The following CYP46A1 variants were observed in gnomAD, a reference collection of about 807,000 sequenced individuals.
The protein encoded by CYP46A1 is cytochrome P450 family 46 subfamily A member 1.
CYP46A1 carries 20 observed loss-of-function variants against 63.3 expected under a neutral mutation model. That is an observed-to-expected ratio of 0.32 (90% confidence interval 0.22 to 0.46). CYP46A1 has a LOEUF of 0.46. Among genes scored for constraint, CYP46A1 ranks in the 20% least tolerant of loss-of-function variants. CYP46A1 has a pLI of 1.00. For synonymous variants in CYP46A1, 268 were observed against 273.6 expected (o/e 0.98, Z 0.20); for missense variants, 445 against 670.8 (o/e 0.66, Z 3.72).
intron 6 of CYP46A1, 96 bp downstream of exon 6, chr14:99,706,881 G>C (rs1164167392): frequency 3.5e-6 from 5 of 1,432,968 alleles, no homozygotes; most frequent in Non-Finnish European, 3.7e-6. Context: ...CCTCCCTCCT[G>C]CTCCTCTAAC....
At chr14:99,713,443 A>G (rs2056753684) in intron 7 of CYP46A1, 1 of 152,074 alleles carries the variant, frequency 6.6e-6, no homozygotes, top group African/African-American at 2.4e-5. Flanking sequence ...ATCTCAAAAA[A>G]AAAAAAAAAT....
At chr14:99,686,479 G>A (rs1029556110) in intron 1 of CYP46A1, among the ~76,000 whole-genome samples, 3 of 151,992 alleles carry the variant, frequency 2.0e-5, no homozygotes, top group East Asian at 3.9e-4. Context: ...AAGAAACCCC[G>A]TACCCATTAG....
intron 5 of CYP46A1, chr14:99,703,584 A>G (rs371379648): frequency 1.3e-5 from 13 of 985,338 alleles, no homozygotes; most frequent in South Asian, 9.4e-5. Context: ...CACTGCCTCA[A>G]TGTGAACCTC....
At chr14:99,707,150 GCCCAGTAACCCCAAAC>G (rs935686373) in intron 6 of CYP46A1, among the ~76,000 whole-genome samples, 1 of 152,190 alleles carries the variant, frequency 6.6e-6, no homozygotes, top group Non-Finnish European at 1.5e-5. Context: ...TCAGCAGTGG[GCCCAGTAACCCCAAAC>G]CCCACTTTAT....
At chr14:99,699,984 CTT>C in intron 4 of CYP46A1, 29 bp from the exon 5 acceptor site, 2 of 636,516 alleles carry the variant, frequency 3.1e-6, no homozygotes, top group Non-Finnish European at 4.9e-6. Flanking sequence ...CCCCCACCCT[CTT>C]TCCCGCATCA....
chr14:99,710,968 C>T (rs553996124), intron 7 of CYP46A1: 11 of 151,898 alleles, frequency 7.2e-5, no homozygotes, highest in South Asian at 6.3e-4. Flanking sequence ...CTTCTCAGAC[C>T]ACAATGGAAT....
intron 3 of CYP46A1, among the ~76,000 whole-genome samples, chr14:99,699,250 G>A (rs992336758): frequency 6.6e-6 from 1 of 152,148 alleles, no homozygotes; most frequent in Non-Finnish European, 1.5e-5. Context: ...TACGTCCACA[G>A]GAAAATCACT....
rs919944520 is a variant in CYP46A1 at position 99,700,920 on chromosome 14, G to A, written c.443+819G>A. Among the ~76,000 whole-genome samples the A allele has an allele frequency of 7.9e-5, 12 of 152,310 alleles. No homozygotes were observed. The East Asian group carries it at 9.6e-4, about 12-fold the overall frequency. On this transcript the variant is annotated intron_variant, in intron 5 of 14. Transcript: ENST00000261835. ...AAGACTTTCCAGTGAGGAAAGATGC[G>A]GAGGTGGAAGGCAGTGATATTGATG...
chr14:99,726,453 C>T, intron 14 of CYP46A1, 104 bp from the exon 15 acceptor site: 1 of 1,273,558 alleles, frequency 7.9e-7, no homozygotes, highest in Non-Finnish European at 1.1e-6. Flanking sequence ...CAGGCTCTCA[C>T]AGGCTCTCCA....
chr14:99,700,463 A>G (rs1489132800), intron 5 of CYP46A1, among the ~76,000 whole-genome samples: 1 of 152,168 alleles, frequency 6.6e-6, no homozygotes, highest in South Asian at 2.1e-4. Flanking sequence ...TTGGTGATAT[A>G]GTTGTGCTTT....
At chr14:99,688,916 C>T (rs141222402) in intron 1 of CYP46A1, among the ~76,000 whole-genome samples, 3 of 152,312 alleles carry the variant, frequency 2.0e-5, no homozygotes, top group Non-Finnish European at 2.9e-5. Flanking sequence ...GTCCCGCATC[C>T]TCCTCTGGCT....
At chr14:99,687,983 G>GT (rs57410569) in intron 1 of CYP46A1, among the ~76,000 whole-genome samples, 113,195 of 149,592 alleles carry the variant, frequency 0.76, 42,972 homozygotes, top group East Asian at 0.92. Flanking sequence ...GAAGGAATGG[G>GT]TTTTTTTTCC....
chr14:99,697,280 C>T (rs932036725), intron 3 of CYP46A1, among the ~76,000 whole-genome samples: 1 of 151,870 alleles, frequency 6.6e-6, no homozygotes. Flanking sequence ...TTTCTATGCA[C>T]AGCTTCTCCC....
At chr14:99,711,670 A>C (rs540396172) in intron 7 of CYP46A1, 1 of 152,260 alleles carries the variant, frequency 6.6e-6, no homozygotes, top group African/African-American at 2.4e-5. Flanking sequence ...CCGTGACCAG[A>C]TGTCTTTACT....
At chr14:99,695,604 TTTA>T (rs3070460) in intron 3 of CYP46A1, 26,790 of 142,702 alleles carry the variant, frequency 0.19, 2,914 homozygotes, top group East Asian at 0.29. Context: ...CCATTCCAGC[TTTA>T]TTATTATTAT....
rs10600179 is a variant in CYP46A1 at position 99,722,644 on chromosome 14, C to CGTGTGTGT, written c.1176+606_1176+613dup. Among the ~76,000 whole-genome samples the CGTGTGTGT allele has an allele frequency of 0.11, 15,260 of 142,132 alleles. 918 individuals are homozygous for CGTGTGTGT. Among genetic ancestry groups the CGTGTGTGT allele is most frequent in the Admixed American group, 0.13 (1,782 of 13,970 alleles). The allele number at this position is 142,132 out of a possible 152,430, so 93.2% of individuals were successfully genotyped here. A position where few individuals can be genotyped will look rare whatever the true frequency, so the allele number is the denominator to read the frequency against. ...ATCTGAATTGTGTGTTTGCCATTCC[C>CGTGTGTGT]GTGTGTGTGTGTGTGTGTGTGTGTG... On this transcript the variant is annotated intron_variant, in intron 12 of 14. Coordinates refer to ENST00000261835, the MANE Select transcript of CYP46A1 (RefSeq NM_006668.2). The surrounding 1 kb of genome is among the most constrained non-coding windows in gnomAD (Gnocchi z 4.6).
chr14:99,721,566 C>T (rs1474516214), intron 11 of CYP46A1, among the ~76,000 whole-genome samples: 2 of 152,098 alleles, frequency 1.3e-5, no homozygotes, highest in South Asian at 2.1e-4. Flanking sequence ...TAAATGGTGC[C>T]GTATTTGTGC....
At chr14:99,702,124 T>C (rs138952988) in intron 5 of CYP46A1, among the ~76,000 whole-genome samples, 2 of 148,908 alleles carry the variant, frequency 1.3e-5, no homozygotes, top group East Asian at 4.0e-4. Context: ...CCAATTCCCC[T>C]ACCTGCTGGC....
At chr14:99,691,541 G>T in intron 2 of CYP46A1, 1 of 584,658 alleles carries the variant, frequency 1.7e-6, no homozygotes. Flanking sequence ...AAGAAGGAGT[G>T]TTTCCAACCC....
Sources: allele counts gnomAD v4.1 joint callset (sites outside exome capture counted in the v4.1 genomes callset), GRCh38; gene constraint gnomAD v4.1.1; non-coding constraint Gnocchi (gnomAD v3.1); transcripts MANE v1.5; gene names NCBI Gene and HGNC (gene_info 2026-07-23, HGNC 2026-07-21).